The following ROBO2 variants were observed in gnomAD, a reference collection of about 807,000 sequenced individuals.
ROBO2 encodes the protein roundabout homolog 2.
In ROBO2, 53 loss-of-function variants were observed where a neutral mutation model predicts 160.8. The ratio of observed to expected loss-of-function variants is 0.33; its 90% confidence interval spans 0.26 to 0.41. The LOEUF (loss-of-function observed/expected upper bound fraction) is 0.41. Ranked by LOEUF, ROBO2 falls within the 10% of genes least tolerant of loss-of-function variation. The pLI, the probability that ROBO2 is intolerant of heterozygous loss-of-function variation, is 1.00. For synonymous variants in ROBO2, 664 were observed against 611.7 expected, an observed-to-expected ratio of 1.09 and a Z score of -1.26; for missense variants, 1,577 against 1,722.4, an observed-to-expected ratio of 0.92 and a Z score of 1.49.
intron 2 of ROBO2, among the ~76,000 whole-genome samples, chr3:75,944,231 A>T (rs1389938182): frequency 6.6e-6 from 1 of 152,112 alleles, no homozygotes; most frequent in Non-Finnish European, 1.5e-5. Context: ...CTTTAAGAAT[A>T]ACTTAAGTCC....
chr3:76,109,873 A>G (rs998734775), intron 2 of ROBO2, among the ~76,000 whole-genome samples: 1 of 151,764 alleles, frequency 6.6e-6, no homozygotes, highest in African/African-American at 2.4e-5. Context: ...CTATATGTCT[A>G]TGTGTGCCTT....
At chr3:77,197,898 C>G (rs1345952681) in intron 2 of ROBO2, among the ~76,000 whole-genome samples, 1 of 152,090 alleles carries the variant, frequency 6.6e-6, no homozygotes, top group African/African-American at 2.4e-5. Flanking sequence ...GAAGGCAGGT[C>G]AGAGAGATAC....
intron 2 of ROBO2, among the ~76,000 whole-genome samples, chr3:76,663,257 G>A (rs2091898857): frequency 6.6e-6 from 1 of 152,196 alleles, no homozygotes; most frequent in Non-Finnish European, 1.5e-5. Context: ...AATTCAGTTA[G>A]AGAAATCAGG....
At chr3:77,011,302 G>T (rs67925188) in intron 2 of ROBO2, among the ~76,000 whole-genome samples, 7,770 of 152,134 alleles carry the variant, frequency 0.051, 226 homozygotes, top group Middle Eastern at 0.086. Flanking sequence ...CTCCCCTATA[G>T]TAGGCCTTCA....
chr3:77,215,938 G>A (rs2084879393), intron 2 of ROBO2, among the ~76,000 whole-genome samples: 1 of 152,150 alleles, frequency 6.6e-6, no homozygotes, highest in African/African-American at 2.4e-5. Context: ...CGTTCCTCTG[G>A]AACTTTTGTT....
chr3:76,860,905 G>GTGTGTGTGTA (rs1559615347), intron 2 of ROBO2, among the ~76,000 whole-genome samples: 1 of 152,010 alleles, frequency 6.6e-6, no homozygotes, highest in Non-Finnish European at 1.5e-5. Context: ...GTGTGTGTGC[G>GTGTGTGTGTA]TGTGTGTGTA....
At chr3:76,504,728 C>T (rs576086859) in intron 2 of ROBO2, among the ~76,000 whole-genome samples, 7 of 152,036 alleles carry the variant, frequency 4.6e-5, no homozygotes, top group African/African-American at 1.7e-4. Context: ...CGGGGTTTCA[C>T]CGTGTTAGCC....
At chr3:77,371,177 G>T (rs1185673770) in intron 2 of ROBO2, among the ~76,000 whole-genome samples, 2 of 152,112 alleles carry the variant, frequency 1.3e-5, no homozygotes, top group Non-Finnish European at 2.9e-5. Context: ...ATGTTCCAGG[G>T]ATCAAGGTTG....
chr3:76,889,195 C>T (rs765248949), intron 2 of ROBO2, among the ~76,000 whole-genome samples: 3 of 152,140 alleles, frequency 2.0e-5, no homozygotes, highest in Non-Finnish European at 4.4e-5. Context: ...AGACTGATCA[C>T]TGAGATGAGA....
At chr3:76,001,512 A>ATG (rs368446442) in intron 2 of ROBO2, among the ~76,000 whole-genome samples, 128 of 148,800 alleles carry the variant, frequency 8.6e-4, no homozygotes, top group African/African-American at 2.3e-3. Context: ...TTATTTGAAT[A>ATG]TGTGTGTGTG....
At chr3:76,193,925 C>T (rs1702125640) in intron 2 of ROBO2, among the ~76,000 whole-genome samples, 2 of 152,036 alleles carry the variant, frequency 1.3e-5, no homozygotes, top group African/African-American at 4.8e-5. Flanking sequence ...TTTTTTATCA[C>T]AATCCTCTTT....
chr3:76,277,320 G>A (rs1707984261), intron 2 of ROBO2, among the ~76,000 whole-genome samples: 2 of 151,906 alleles, frequency 1.3e-5, no homozygotes, highest in Admixed American at 6.6e-5. Context: ...ACAAACAACA[G>A]GTTTTAGACT....
chr3:76,697,995 G>A (rs1344225706), intron 2 of ROBO2, among the ~76,000 whole-genome samples: 3 of 152,248 alleles, frequency 2.0e-5, no homozygotes, highest in African/African-American at 7.2e-5. Flanking sequence ...AATGCCTGTA[G>A]AAGCTCTTCT....
At position 75,929,002 on chromosome 3, in the gene ROBO2, A is replaced by T. The variant is rs577317476; in HGVS notation, c.-13-8479A>T. ...GTACGTGTGTGTGTGTGTGTGTGTGATAGCTCATGATTATAGAATGATCTA... is the reference window on the plus strand; with the variant it reads ...GTACGTGTGTGTGTGTGTGTGTGTGTTAGCTCATGATTATAGAATGATCTA... On this transcript the variant is annotated intron_variant, in intron 1 of 26. Transcript: ENST00000487694. 8.5e-4 allele frequency among the ~76,000 whole-genome samples: 79 copies of T among 92,750 alleles called. 17 individuals carry two copies. Among genetic ancestry groups the T allele is most frequent in the African/African-American group, 2.6e-3 (75 of 28,694 alleles). The allele number at this position is 92,750 out of a possible 152,430, so 60.8% of individuals were successfully genotyped here. A position where few individuals can be genotyped will look rare whatever the true frequency, so the allele number is the denominator to read the frequency against.
At chr3:77,318,780 T>C (rs2064342317) in intron 2 of ROBO2, among the ~76,000 whole-genome samples, 1 of 152,192 alleles carries the variant, frequency 6.6e-6, no homozygotes, top group Non-Finnish European at 1.5e-5. Context: ...TTGTAAGTGC[T>C]ACCATGAACC....
chr3:77,036,507 A>G (rs966047661), upstream of ROBO2, among the ~76,000 whole-genome samples: 3 of 152,080 alleles, frequency 2.0e-5, no homozygotes, highest in Non-Finnish European at 4.4e-5. Flanking sequence ...TGGTTATTTT[A>G]TACTTCTGCT....
intron 2 of ROBO2, among the ~76,000 whole-genome samples, chr3:76,008,232 CAAAAAAA>C (rs5850225): frequency 8.6e-4 from 71 of 82,252 alleles, no homozygotes; most frequent in East Asian, 7.0e-3. Flanking sequence ...AAGACTCTGT[CAAAAAAA>C]AAAAAAAAAA....
chr3:76,702,038 C>A (rs1043062203), intron 2 of ROBO2, among the ~76,000 whole-genome samples: 1 of 151,912 alleles, frequency 6.6e-6, no homozygotes, highest in African/African-American at 2.4e-5. Context: ...ACATGTTGCT[C>A]CCTAAAATTT....
chr3:76,453,775 A>G (rs1398037095), intron 2 of ROBO2, among the ~76,000 whole-genome samples: 1 of 152,132 alleles, frequency 6.6e-6, no homozygotes, highest in Non-Finnish European at 1.5e-5. Flanking sequence ...AGTATCCTCT[A>G]AAAAAATGAA....
Sources: gnomAD v4.1 joint callset for allele counts (sites outside exome capture counted in the v4.1 genomes callset) on GRCh38, gnomAD v4.1.1 for gene constraint, MANE v1.5 for transcripts, NCBI Gene and HGNC (gene_info 2026-07-23, HGNC 2026-07-21) for gene names.